The following PREX2 variants were observed in gnomAD, a reference collection of about 807,000 sequenced individuals.
PREX2 encodes the protein phosphatidylinositol-3,4,5-trisphosphate dependent Rac exchange factor 2, also known as phosphatidylinositol 3,4,5-trisphosphate-dependent Rac exchanger 2 protein.
A neutral mutation model predicts 203.2 loss-of-function variants in PREX2; 107 were observed. That is an observed-to-expected ratio of 0.53 (90% CI 0.45 to 0.62). The LOEUF is 0.62. PREX2 is among the 20% of genes least tolerant of loss of function. PREX2 has a pLI of 0.00. For synonymous variants in PREX2, 672 were observed against 663.6 expected (o/e 1.01, Z -0.19); for missense variants, 1,777 against 1,955.9 (o/e 0.91, Z 1.72).
At chr8:68,068,395 A>G (rs776217670) in intron 11 of PREX2, among the ~76,000 whole-genome samples, 1 of 152,018 alleles carries the variant, frequency 6.6e-6, no homozygotes, top group Non-Finnish European at 1.5e-5. Flanking sequence ...TTGTTTTCCA[A>G]TAAGAAAAAA....
intron 4 of PREX2, among the ~76,000 whole-genome samples, chr8:68,025,205 T>C (rs1244666978): frequency 2.0e-5 from 3 of 151,870 alleles, no homozygotes; most frequent in African/African-American, 7.2e-5. Context: ...TTTTTTTTAT[T>C]TTTTTTAAAT....
chr8:68,148,037 A>G lies in PREX2; in HGVS notation c.4231+1685A>G, dbSNP rs145442240. The stretch of plus-strand genomic sequence containing the variant: ...CGAGGCAGGTGAATCACCTGAGGTC[A>G]GGAGTTAGAGACAAGCCCAGGCAAC... On this transcript the variant is annotated intron_variant, in intron 34 of 39. Coordinates refer to ENST00000288368, the MANE Select transcript of PREX2 (RefSeq NM_024870.4). Among the ~76,000 whole-genome samples the G allele has an allele frequency of 7.4e-3, 1,131 of 152,278 alleles. 4 individuals carry two copies. The highest frequency in any genetic ancestry group is 0.01 in the African/African-American group (416 of 41,566).
At chr8:68,043,388 G>A (rs1290424177) in intron 7 of PREX2, among the ~76,000 whole-genome samples, 1 of 145,626 alleles carries the variant, frequency 6.9e-6, no homozygotes, top group Non-Finnish European at 1.5e-5. Flanking sequence ...TCAGGAATAT[G>A]CAATTTTTTT....
chr8:68,178,934 A>G (rs1812033950), intron 35 of PREX2, among the ~76,000 whole-genome samples: 1 of 152,190 alleles, frequency 6.6e-6, no homozygotes, highest in Non-Finnish European at 1.5e-5. Context: ...ATAATGTTAA[A>G]CTATCATTTT....
chr8:68,223,927 T>C (rs561330745), intron 38 of PREX2, among the ~76,000 whole-genome samples: 1 of 152,364 alleles, frequency 6.6e-6, no homozygotes, highest in East Asian at 1.9e-4. Context: ...AACTGTGATT[T>C]CTGTTCCAGA....
At chr8:68,226,906 G>A (rs769866090) in intron 39 of PREX2, among the ~76,000 whole-genome samples, 6 of 152,168 alleles carry the variant, frequency 3.9e-5, no homozygotes, top group Non-Finnish European at 7.4e-5. Flanking sequence ...GTCCCATACT[G>A]GGGATGCAAT....
chr8:68,174,602 C>A (rs926367263), intron 35 of PREX2, among the ~76,000 whole-genome samples: 2 of 152,148 alleles, frequency 1.3e-5, no homozygotes, highest in Admixed American at 1.3e-4. Flanking sequence ...CTTCCTACTC[C>A]CCTATATCAG....
intron 35 of PREX2, among the ~76,000 whole-genome samples, chr8:68,161,874 T>C (rs915026268): frequency 2.6e-5 from 4 of 152,184 alleles, no homozygotes; most frequent in Non-Finnish European, 5.9e-5. Context: ...TGGGTAATTA[T>C]AAAGGAATGA....
chr8:68,165,490 G>A (rs1473336585), intron 35 of PREX2, among the ~76,000 whole-genome samples: 2 of 152,112 alleles, frequency 1.3e-5, no homozygotes, highest in South Asian at 2.1e-4. Flanking sequence ...GCAAAGAATA[G>A]TTTGAGAACC....
intron 1 of PREX2, among the ~76,000 whole-genome samples, chr8:67,955,692 G>A (rs1424537910): frequency 6.6e-6 from 1 of 152,172 alleles, no homozygotes. Flanking sequence ...TTCCATAATT[G>A]TGTGCAGTGC....
chr8:68,056,607 G>A (rs563364281), intron 10 of PREX2, among the ~76,000 whole-genome samples: 13 of 95,260 alleles, frequency 1.4e-4, no homozygotes, highest in African/African-American at 1.0e-3. Flanking sequence ...GCTGCCTTCA[G>A]GTAGCTCTTT....
intron 7 of PREX2, among the ~76,000 whole-genome samples, chr8:68,041,785 A>G (rs957128247): frequency 4.6e-5 from 7 of 152,140 alleles, no homozygotes; most frequent in African/African-American, 7.2e-5. Context: ...TGAGAATGAA[A>G]TCTTTTTTCA....
chr8:67,956,089 G>C (rs945031589), intron 1 of PREX2, among the ~76,000 whole-genome samples: 1 of 152,210 alleles, frequency 6.6e-6, no homozygotes, highest in Non-Finnish European at 1.5e-5. Context: ...AAATGGTAGA[G>C]AGTGACATAA....
chr8:68,119,869 C>G (rs1161760307), intron 28 of PREX2, among the ~76,000 whole-genome samples: 1 of 151,944 alleles, frequency 6.6e-6, no homozygotes, highest in East Asian at 1.9e-4. Context: ...GCCTTGGATG[C>G]TAATTTTGTT....
At chr8:67,953,749 T>C (rs1353897822) in intron 1 of PREX2, among the ~76,000 whole-genome samples, 2 of 152,200 alleles carry the variant, frequency 1.3e-5, no homozygotes, top group African/African-American at 4.8e-5. Context: ...AAAATCAATA[T>C]ACTTGACTTC....
chr8:68,157,316 A>C lies in PREX2; in HGVS notation c.4232-6A>C. On this transcript the variant is annotated splice_region_variant and splice_polypyrimidine_tract_variant and intron_variant, in intron 34 of 39. Transcript: ENST00000288368. ...GCTTGTAAAATATGTTTACTTGTTT[A>C]CACAGCACTAGAGAGCATGGAAGGA... 6.7e-7 allele frequency: 1 copy of C among 1,490,050 alleles called. No homozygotes were observed. The highest frequency in any genetic ancestry group is 9.3e-7 in the Non-Finnish European group (1 of 1,072,286). 92.3% of individuals were successfully genotyped at this position (1,490,050 alleles called of 1,614,324 possible).
chr8:68,045,142 G>A (rs16934044), intron 8 of PREX2, among the ~76,000 whole-genome samples: 2,585 of 151,946 alleles, frequency 0.017, 59 homozygotes, highest in African/African-American at 0.055. Flanking sequence ...AGATTTGAAA[G>A]TGTGGGATTT....
chr8:67,984,210 AT>A (rs1806349986), intron 1 of PREX2, among the ~76,000 whole-genome samples: 1 of 152,204 alleles, frequency 6.6e-6, no homozygotes, highest in Non-Finnish European at 1.5e-5. Flanking sequence ...TTGAAAATAA[AT>A]ATTTGTGCAG....
At chr8:68,039,078 G>A (rs1212676474) in intron 7 of PREX2, among the ~76,000 whole-genome samples, 1 of 152,038 alleles carries the variant, frequency 6.6e-6, no homozygotes, top group Non-Finnish European at 1.5e-5. Context: ...AAACATTGTC[G>A]AAGATCTCTT....
Sources: gnomAD v4.1 joint callset for allele counts (sites outside exome capture counted in the v4.1 genomes callset) on GRCh38, gnomAD v4.1.1 for gene constraint, MANE v1.5 for transcripts, NCBI Gene and HGNC (gene_info 2026-07-23, HGNC 2026-07-21) for gene names.